Variants in ALDH1A2 observed in about 807,000 individuals in gnomAD.
The protein encoded by ALDH1A2 is aldehyde dehydrogenase 1 family member A2.
Under a neutral mutation model 60.3 loss-of-function variants are expected in ALDH1A2, and 27 were observed. That is an observed-to-expected ratio of 0.45 (90% CI 0.33 to 0.62). The LOEUF (loss-of-function observed/expected upper bound fraction) is 0.62, where lower values mean the gene tolerates loss of function less well. ALDH1A2 is among the 20% of genes least tolerant of loss of function. The pLI, the probability that ALDH1A2 is intolerant of heterozygous loss-of-function variation, is 0.02. For missense variants in ALDH1A2, 581 were observed against 643.8 expected (o/e 0.90, Z 1.06); for synonymous variants, 289 against 232.4 (o/e 1.24, Z -2.21).
rs142404491 is a variant in ALDH1A2 at position 57,962,533 on chromosome 15, G to C, written c.1087-357C>G. ...CTTTTATAATTAAATGAGTAACTTA[G>C]CAAGTTGTATTGATAGTAAAAAGAG... On this transcript the variant is annotated intron_variant, in intron 9 of 12. Transcript: ENST00000249750. Among the ~76,000 whole-genome samples, 143 of 152,226 alleles carry C rather than the reference G, an allele frequency of 9.4e-4. 2 individuals carry two copies. In the East Asian group the frequency reaches 0.026, roughly 28 times the overall value.
rs764328978 is a variant in ALDH1A2 at position 58,014,291 on chromosome 15, T to C, written c.118-10A>G. 5.0e-6 allele frequency: 8 copies of C among 1,606,342 alleles called. No individual in the cohort carries two copies. Among genetic ancestry groups the C allele is most frequent in the Non-Finnish European group, 3.4e-6 (4 of 1,173,296 alleles). On this transcript the variant is annotated splice_polypyrimidine_tract_variant and intron_variant, in intron 1 of 12. Coordinates refer to ENST00000249750, the MANE Select transcript of ALDH1A2 (RefSeq NM_003888.4). ...CGTTGTTTATAAAGATCTAAGGGAG[T>C]AGATAACAGAATGGGATCTGTGACA... is the stretch of plus-strand genomic sequence containing the variant.
chr15:57,962,150 G>A lies in ALDH1A2; in HGVS notation c.1113C>T (p.Ile371=), dbSNP rs1343391960. Residue 371 remains isoleucine (I), a synonymous_variant, in exon 10 of 13, where the codon ATC becomes ATT. Coordinates refer to ENST00000249750, the MANE Select transcript of ALDH1A2 (RefSeq NM_003888.4). The stretch of plus-strand genomic sequence containing the variant: ...CCACACCACTCTGGATGAGTTCCAA[G>A]ATCTTGTTGTACTGTTTCTTATCAA... ...PQIDKKQYNK[I]LELIQSGVAE... The A allele has an allele frequency of 6.2e-7, 1 of 1,614,138 alleles. No individual in the cohort carries two copies. Among genetic ancestry groups the A allele is most frequent in the Admixed American group, 1.7e-5 (1 of 60,018 alleles).
At chr15:57,999,901 A>G (rs1895202665) in intron 4 of ALDH1A2, among the ~76,000 whole-genome samples, 1 of 152,062 alleles carries the variant, frequency 6.6e-6, no homozygotes, top group Non-Finnish European at 1.5e-5. Flanking sequence ...GAATGGGATC[A>G]TGACCTTTGC....
At position 58,022,159 on chromosome 15, in the gene ALDH1A2, T is replaced by G. The variant is rs538900574; in HGVS notation, c.118-7878A>C. Among the ~76,000 whole-genome samples, 6 of 152,198 alleles carry G rather than the reference T, an allele frequency of 3.9e-5. No individual in the cohort carries two copies. In the East Asian group the frequency reaches 1.2e-3, roughly 30 times the overall value. On this transcript the variant is annotated intron_variant, in intron 1 of 12. Transcript: ENST00000249750. ...CACAGCTAGTGCCTCCTCTCACCAC[T>G]GTGGGGGCTGAACAAAAGCCCATCT...
At chr15:58,005,671 G>A (rs183125228) in intron 4 of ALDH1A2, among the ~76,000 whole-genome samples, 11 of 151,974 alleles carry the variant, frequency 7.2e-5, no homozygotes, top group Admixed American at 2.0e-4. Context: ...ATAATTCAAT[G>A]TTGTAAAGCA....
chr15:58,062,948 C>A (rs1897080887), intron 1 of ALDH1A2, among the ~76,000 whole-genome samples: 1 of 152,180 alleles, frequency 6.6e-6, no homozygotes, highest in Non-Finnish European at 1.5e-5. Flanking sequence ...TGGAGCATTT[C>A]CACTGGACCT....
At chr15:58,016,991 A>G (rs74018811) in intron 1 of ALDH1A2, among the ~76,000 whole-genome samples, 2,359 of 152,326 alleles carry the variant, frequency 0.015, 30 homozygotes, top group African/African-American at 0.038. Flanking sequence ...GATATTTCAC[A>G]ATAATTAGAT....
chr15:57,984,539 C>A (rs1392173084), intron 7 of ALDH1A2, among the ~76,000 whole-genome samples: 2 of 152,190 alleles, frequency 1.3e-5, no homozygotes, highest in Non-Finnish European at 2.9e-5. Flanking sequence ...TCCATTCTCC[C>A]AGTCCTTTGC....
chr15:57,975,261 A>C (rs958335591), intron 7 of ALDH1A2, among the ~76,000 whole-genome samples: 4 of 152,236 alleles, frequency 2.6e-5, no homozygotes, highest in African/African-American at 9.6e-5. Context: ...ATGTTCATAG[A>C]AGCTTTTATT....
chr15:57,987,823 T>G (rs186939966), intron 7 of ALDH1A2, among the ~76,000 whole-genome samples: 3 of 149,662 alleles, frequency 2.0e-5, no homozygotes, highest in African/African-American at 4.9e-5. Flanking sequence ...AGGCAGAGCT[T>G]GCAGTGAGCC....
In ALDH1A2 at chr15:57,955,046, T is replaced by C; in HGVS notation, c.*151A>G. 1.2e-6 allele frequency: 1 copy of C among 867,818 alleles called. No homozygotes were observed. The highest frequency in any genetic ancestry group is 1.4e-5 in the South Asian group (1 of 73,940). The allele number at this position is 867,818 out of a possible 1,614,324, so 53.8% of individuals were successfully genotyped here. A position where few individuals can be genotyped will look rare whatever the true frequency, so the allele number is the denominator to read the frequency against. On this transcript the variant is annotated 3_prime_UTR_variant, in exon 13 of 13. Transcript: ENST00000249750. ...ACTGTACCCAGCTGGTTTGCTTTAG[T>C]TGTGCAGTGACCTGCCTGGCCTACA...
intron 12 of ALDH1A2, among the ~76,000 whole-genome samples, chr15:57,958,214 G>GCACACACACACACACACACACACA (rs113322985): frequency 1.6e-4 from 24 of 151,818 alleles, no homozygotes; most frequent in East Asian, 9.7e-4. Context: ...GTACACGCAC[G>GCACACACACACACACACACACACA]CACACACACA....
chr15:58,055,341 C>T (rs929675334), intron 1 of ALDH1A2, among the ~76,000 whole-genome samples: 33 of 151,894 alleles, frequency 2.2e-4, no homozygotes, highest in African/African-American at 7.5e-4. Flanking sequence ...TAATAAAAGC[C>T]GTAGCTATTA....
rs188515159 is a variant in ALDH1A2, at chr15:58,000,558, A to C, written c.494-5419T>G. Among the ~76,000 whole-genome samples the C allele has an allele frequency of 2.4e-3, 366 of 152,126 alleles. 3 individuals carry two copies. Among genetic ancestry groups the C allele is most frequent in the South Asian group, 7.2e-3 (35 of 4,830 alleles). ...ACCTGTTAGCCTTAAGGAAAATCTA[A>C]AATCTAAAATAACAGGTTTCATGGG... On this transcript the variant is annotated intron_variant, in intron 4 of 12. Transcript: ENST00000249750.
At chr15:58,047,505 C>T (rs2140564768) in intron 1 of ALDH1A2, among the ~76,000 whole-genome samples, 1 of 151,842 alleles carries the variant, frequency 6.6e-6, no homozygotes, top group Non-Finnish European at 1.5e-5. Context: ...TAAGAACAAC[C>T]AAAAAAATGG....
chr15:57,955,756 C>CT (rs397840791), intron 12 of ALDH1A2, among the ~76,000 whole-genome samples: 1 of 152,104 alleles, frequency 6.6e-6, no homozygotes, highest in Admixed American at 6.6e-5. Flanking sequence ...TTTCCTCCCC[C>CT]AAGACGGAGG....
Position 58,010,804 on chromosome 15 carries a change from C to G in ALDH1A2, c.364-26G>C, listed in dbSNP as rs4646591. The G allele has an allele frequency of 0.069, 110,422 of 1,611,682 alleles. 4,107 individuals are homozygous for G. Among genetic ancestry groups the G allele is most frequent in the East Asian group, 0.1 (4,487 of 44,812 alleles). ...CTGTTGGAAGAGAAATGGAGAGATA[C>G]TAAGTCCCCAGAACTTTCCAGCGAT... On this transcript the variant is annotated intron_variant, in intron 3 of 12. Coordinates refer to ENST00000249750, the MANE Select transcript of ALDH1A2 (RefSeq NM_003888.4).
chr15:58,022,739 A>G (rs1895965214), intron 1 of ALDH1A2, among the ~76,000 whole-genome samples: 1 of 152,172 alleles, frequency 6.6e-6, no homozygotes, highest in South Asian at 2.1e-4. Context: ...GAAATCACAG[A>G]TATCACTGAT....
chr15:57,978,809 C>T (rs1273948140), intron 7 of ALDH1A2, among the ~76,000 whole-genome samples: 2 of 152,158 alleles, frequency 1.3e-5, no homozygotes, highest in East Asian at 3.9e-4. Context: ...GGCCAAGGTG[C>T]GTGGATTACC....
Sources: allele counts gnomAD v4.1 joint callset (sites outside exome capture counted in the v4.1 genomes callset), GRCh38; gene constraint gnomAD v4.1.1; transcripts MANE v1.5; gene names NCBI Gene and HGNC (gene_info 2026-07-23, HGNC 2026-07-21).